The following DCLK1 variants were observed in gnomAD, a reference collection of about 807,000 sequenced individuals.
DCLK1 encodes doublecortin like kinase 1.
A neutral mutation model predicts 86.2 loss-of-function variants in DCLK1; 16 were observed. The ratio of observed to expected loss-of-function variants is 0.19; its 90% confidence interval spans 0.13 to 0.28. DCLK1 has a LOEUF of 0.28. DCLK1 is among the 10% of genes least tolerant of loss of function. DCLK1 has a pLI of 1.00. For missense variants in DCLK1, 590 were observed against 940.2 expected, an observed-to-expected ratio of 0.63 and a Z score of 4.87; for synonymous variants, 369 against 370.5, an observed-to-expected ratio of 1.00 and a Z score of 0.05.
intron 4 of DCLK1, among the ~76,000 whole-genome samples, chr13:35,905,905 G>T (rs11147593): frequency 6.6e-6 from 1 of 151,944 alleles, no homozygotes; most frequent in African/African-American, 2.4e-5. Context: ...AGTCCCAGTC[G>T]CCCATTATAT....
chr13:35,913,887 C>A, intron 4 of DCLK1, among the ~76,000 whole-genome samples: 1 of 152,168 alleles, frequency 6.6e-6, no homozygotes, highest in Middle Eastern at 3.2e-3. Context: ...GGTAGGTAAC[C>A]AAGTGCTGTC....
intron 6 of DCLK1, chr13:35,847,721 G>A: frequency 2.0e-6 from 2 of 984,668 alleles, no homozygotes; most frequent in Non-Finnish European, 2.4e-6. Flanking sequence ...TGGTTATGTA[G>A]GGTATATATA....
chr13:35,930,587 A>C (rs1876374869), intron 4 of DCLK1, among the ~76,000 whole-genome samples: 1 of 152,048 alleles, frequency 6.6e-6, no homozygotes, highest in Non-Finnish European at 1.5e-5. Context: ...GTGATAGAGC[A>C]AGACTCCATC....
intron 4 of DCLK1, among the ~76,000 whole-genome samples, chr13:35,936,968 T>C: frequency 1.1e-4 from 1 of 8,718 alleles, no homozygotes; most frequent in Admixed American, 2.0e-3. Context: ...TTAGCTTTTT[T>C]TTTTTTTTTT....
At chr13:35,912,100 C>T (rs1185502802) in intron 4 of DCLK1, among the ~76,000 whole-genome samples, 1 of 152,188 alleles carries the variant, frequency 6.6e-6, no homozygotes, top group Non-Finnish European at 1.5e-5. Context: ...ATCAATCAAT[C>T]ACGGCCCTCC....
At chr13:35,808,373 G>A in intron 13 of DCLK1, 53 bp from the exon 14 acceptor site, 1 of 1,467,434 alleles carries the variant, frequency 6.8e-7, no homozygotes, top group Non-Finnish European at 9.6e-7. Flanking sequence ...TCAACTCAGT[G>A]TACATCTTTT....
chr13:35,961,628 T>C (rs908479091), intron 3 of DCLK1, among the ~76,000 whole-genome samples: 11 of 152,216 alleles, frequency 7.2e-5, no homozygotes, highest in African/African-American at 2.7e-4. Context: ...TTCAAGTACC[T>C]GACAAGTAGA....
intron 8 of DCLK1, among the ~76,000 whole-genome samples, chr13:35,832,242 A>G (rs1277085810): frequency 1.3e-5 from 2 of 152,176 alleles, no homozygotes; most frequent in East Asian, 1.9e-4. Context: ...TGAGACTGCA[A>G]TGAGCTATGA....
chr13:35,917,522 C>T (rs1891673), intron 4 of DCLK1, among the ~76,000 whole-genome samples: 83,279 of 151,968 alleles, frequency 0.55, 25,699 homozygotes, highest in South Asian at 0.74. Flanking sequence ...GAACACCTGG[C>T]AGGGACTTAG....
intron 4 of DCLK1, among the ~76,000 whole-genome samples, chr13:35,942,674 T>C (rs1877151168): frequency 6.6e-6 from 1 of 152,162 alleles, no homozygotes; most frequent in Non-Finnish European, 1.5e-5. Context: ...ACAGAGAAGA[T>C]AAATCAATTA....
chr13:35,890,880 G>GTT lies in DCLK1; in HGVS notation c.824-19542_824-19541dup, dbSNP rs58356852. 1.3e-3 allele frequency among the ~76,000 whole-genome samples: 185 copies of GTT among 145,158 alleles called. 1 individual carries two copies. Among genetic ancestry groups the GTT allele is most frequent in the South Asian group, 4.1e-3 (19 of 4,620 alleles). ...TTAATATCCCTCTGCTTTTTTTTCT[G>GTT]TTTTTTTTTTCACCTTTATTGATTA... On this transcript the variant is annotated intron_variant, in intron 4 of 16. Transcript: ENST00000360631.
chr13:35,783,322 T>C (rs922040359), intron 16 of DCLK1, among the ~76,000 whole-genome samples: 1 of 152,190 alleles, frequency 6.6e-6, no homozygotes, highest in African/African-American at 2.4e-5. Flanking sequence ...AAATTTTTTT[T>C]TTTTTAGTTT....
intron 3 of DCLK1, among the ~76,000 whole-genome samples, chr13:36,015,172 C>T (rs1257489889): frequency 6.6e-6 from 1 of 152,148 alleles, no homozygotes; most frequent in Non-Finnish European, 1.5e-5. Context: ...TTAGTTACAC[C>T]AACATCCTCC....
At chr13:35,805,844 T>C (rs2087016564) in intron 14 of DCLK1, 65 bp from the exon 15 acceptor site, 3 of 1,432,818 alleles carry the variant, frequency 2.1e-6, no homozygotes, top group Admixed American at 2.1e-5. Flanking sequence ...TGTGTGCAAA[T>C]GCAAGAGTTC....
chr13:36,030,448 C>T (rs1485542116), intron 3 of DCLK1, among the ~76,000 whole-genome samples: 1 of 148,884 alleles, frequency 6.7e-6, no homozygotes. Flanking sequence ...AGGTGCCCGC[C>T]ACCACACCTG....
intron 5 of DCLK1, chr13:35,855,866 C>A: frequency 2.6e-6 from 3 of 1,135,162 alleles, no homozygotes; most frequent in Non-Finnish European, 3.2e-6. Context: ...TGAAGTGGCC[C>A]TGGGGGCAAG....
rs538086222 is a variant in DCLK1 at position 36,105,180 on chromosome 13, C to T, written c.723+6689G>A. On this transcript the variant is annotated intron_variant, in intron 3 of 16. Coordinates refer to ENST00000360631, the MANE Select transcript of DCLK1 (RefSeq NM_001330071.2). ...TTTGTATTAGTTAAGTGTCTCATTT[C>T]GAATTCCATGCTCTTTTTATTATAT... Among the ~76,000 whole-genome samples, 5 of 152,264 alleles carry T rather than the reference C, an allele frequency of 3.3e-5. No individual in the cohort carries two copies. In the South Asian group the frequency reaches 6.2e-4, roughly 19 times the overall value.
intron 15 of DCLK1, among the ~76,000 whole-genome samples, chr13:35,796,695 A>G (rs2086819255): frequency 6.6e-6 from 1 of 152,210 alleles, no homozygotes; most frequent in Non-Finnish European, 1.5e-5. Flanking sequence ...TGGTTGAGTC[A>G]GCATTGAACC....
At chr13:35,871,667 A>G (rs1209983785) in intron 4 of DCLK1, among the ~76,000 whole-genome samples, 1 of 152,150 alleles carries the variant, frequency 6.6e-6, no homozygotes, top group African/African-American at 2.4e-5. Flanking sequence ...AGTTATCTGT[A>G]TATGTGGGTC....
Sources: allele counts gnomAD v4.1 joint callset (sites outside exome capture counted in the v4.1 genomes callset), GRCh38; gene constraint gnomAD v4.1.1; transcripts MANE v1.5; gene names NCBI Gene and HGNC (gene_info 2026-07-23, HGNC 2026-07-21).